The following FHIP1A variants were observed in gnomAD, a reference collection of about 807,000 sequenced individuals.
The protein encoded by FHIP1A is FHF complex subunit HOOK-interacting protein 1A.
Under a neutral mutation model 88.6 loss-of-function variants are expected in FHIP1A, and 61 were observed. That is an observed-to-expected ratio of 0.69 (90% CI 0.56 to 0.85). FHIP1A has a LOEUF of 0.85. FHIP1A is among the 40% of genes least tolerant of loss of function. FHIP1A has a pLI of 0.00. For missense variants in FHIP1A, 1,154 were observed against 1,273.5 expected (o/e 0.91, Z 1.43); for synonymous variants, 478 against 496.0 (o/e 0.96, Z 0.48).
At position 151,415,886 on chromosome 4, in the gene FHIP1A, T is replaced by C. The variant is rs76686610; in HGVS notation, c.-356+6421T>C. Among the ~76,000 whole-genome samples, 1,471 of 152,222 alleles carry C rather than the reference T, an allele frequency of 9.7e-3. 19 individuals are homozygous for C. Among genetic ancestry groups the C allele is most frequent in the African/African-American group, 0.034 (1,405 of 41,556 alleles). ...AGAGAAGATAGTAATTGGTAACAGC[T>C]ATAAAAATACTCTGCAGCTGTTGGT... On this transcript the variant is annotated intron_variant, in intron 1 of 13. Transcript: ENST00000435205.
chr4:151,454,195 T>C (rs900111294), intron 1 of FHIP1A, among the ~76,000 whole-genome samples: 10 of 152,140 alleles, frequency 6.6e-5, no homozygotes, highest in African/African-American at 2.4e-4. Context: ...TAATTATCAC[T>C]GGATTAAGAC....
At chr4:151,446,974 T>G (rs1728633060) in intron 1 of FHIP1A, among the ~76,000 whole-genome samples, 1 of 152,204 alleles carries the variant, frequency 6.6e-6, no homozygotes, top group Non-Finnish European at 1.5e-5. Context: ...TGAAATTTAA[T>G]GGAAAAGTAA....
At chr4:151,460,812 T>C (rs185705048) in intron 2 of FHIP1A, among the ~76,000 whole-genome samples, 12 of 152,314 alleles carry the variant, frequency 7.9e-5, no homozygotes, top group Non-Finnish European at 1.3e-4. Flanking sequence ...AGGAATTCAC[T>C]GAAGGAAGGA....
intron 3 of FHIP1A, among the ~76,000 whole-genome samples, chr4:151,512,694 G>T (rs926121830): frequency 4.6e-5 from 7 of 152,186 alleles, no homozygotes; most frequent in African/African-American, 1.7e-4. Context: ...CTGGAAGAAA[G>T]GGTATCAGTG....
chr4:151,574,339 G>A (rs1334774244), intron 4 of FHIP1A, among the ~76,000 whole-genome samples: 2 of 152,180 alleles, frequency 1.3e-5, no homozygotes, highest in African/African-American at 2.4e-5. Flanking sequence ...TAAACAGTTT[G>A]CATTCTGTAT....
chr4:151,623,558 T>C (rs1359202528), intron 7 of FHIP1A, among the ~76,000 whole-genome samples: 2 of 149,224 alleles, frequency 1.3e-5, no homozygotes, highest in Non-Finnish European at 3.0e-5. Context: ...CAATTTGGCT[T>C]ATTTTAAACT....
At chr4:151,506,004 C>G (rs139932317) in intron 3 of FHIP1A, among the ~76,000 whole-genome samples, 1 of 152,296 alleles carries the variant, frequency 6.6e-6, no homozygotes, top group East Asian at 1.9e-4. Flanking sequence ...CTCACTGGAA[C>G]TTCGAACTCC....
In FHIP1A at chr4:151,656,657, C is replaced by A; in HGVS notation, c.2731-103C>A. 7.8e-7 allele frequency: 1 copy of A among 1,286,366 alleles called. No homozygotes were observed. Among genetic ancestry groups the A allele is most frequent in the Non-Finnish European group, 1.1e-6 (1 of 933,922 alleles). The allele number at this position is 1,286,366 out of a possible 1,614,324, so 79.7% of individuals were successfully genotyped here. A position where few individuals can be genotyped will look rare whatever the true frequency, so the allele number is the denominator to read the frequency against. On this transcript the variant is annotated intron_variant, in intron 12 of 13. Transcript: ENST00000435205. The surrounding 1 kb of genome is among the most constrained non-coding windows in gnomAD (Gnocchi z 4.2). ...TTAAAAATGAACAAATGTCTAACAT[C>A]ATAATAGTTCCCATAATGAGGGTGC...
intron 3 of FHIP1A, among the ~76,000 whole-genome samples, chr4:151,519,491 G>C (rs1731378157): frequency 6.6e-6 from 1 of 151,654 alleles, no homozygotes. Context: ...GACATCTGGG[G>C]GTATTTTCAT....
intron 2 of FHIP1A, among the ~76,000 whole-genome samples, chr4:151,475,564 G>C (rs932607568): frequency 6.6e-6 from 1 of 152,104 alleles, no homozygotes; most frequent in Non-Finnish European, 1.5e-5. Context: ...ACATTCCTGA[G>C]GTGAGAACAA....
rs1736989966 is a variant in FHIP1A at position 151,650,497 on chromosome 4, C to T, written c.2456C>T (p.Pro819Leu). The change falls in exon 11 of 14, where the codon CCT (proline) becomes CTT (leucine). Residue 819 changes from proline (P) to leucine (L), a missense_variant. Pro to Leu is a moderately conservative substitution (Grantham distance 98). Coordinates refer to ENST00000435205, the MANE Select transcript of FHIP1A (RefSeq NM_001109977.3). Reference sequence around the variant, plus strand: ...TTTGACTCTTTTATAGCGGAGATGCCTGCTGTAGAGACTGTGCCTTCCCCA... The same window carrying T: ...TTTGACTCTTTTATAGCGGAGATGCTTGCTGTAGAGACTGTGCCTTCCCCA... ...DDFDSFIAEM[P>L]AVETVPSPFV... The T allele has an allele frequency of 3.2e-6, 5 of 1,551,420 alleles. No homozygotes were observed. The highest frequency in any genetic ancestry group is 3.5e-6 in the Non-Finnish European group (4 of 1,147,046).
chr4:151,622,868 TTCAATA>T (rs1401229362), intron 7 of FHIP1A, among the ~76,000 whole-genome samples: 2 of 152,186 alleles, frequency 1.3e-5, no homozygotes, highest in African/African-American at 2.4e-5. Context: ...TATTTGGGTA[TTCAATA>T]GTTAAACTTT....
At chr4:151,616,480 A>C (rs1578822086) in intron 7 of FHIP1A, among the ~76,000 whole-genome samples, 1 of 117,908 alleles carries the variant, frequency 8.5e-6, no homozygotes, top group African/African-American at 3.4e-5. Context: ...ACGGAGTCTC[A>C]CTCTGTCACC....
At chr4:151,434,062 A>G (rs1052435278) in intron 1 of FHIP1A, among the ~76,000 whole-genome samples, 1 of 152,182 alleles carries the variant, frequency 6.6e-6, no homozygotes, top group African/African-American at 2.4e-5. Context: ...AAATTATATA[A>G]CTAATCATGT....
At chr4:151,465,601 C>G (rs1166665726) in intron 2 of FHIP1A, among the ~76,000 whole-genome samples, 4 of 152,166 alleles carry the variant, frequency 2.6e-5, no homozygotes, top group African/African-American at 9.7e-5. Flanking sequence ...TATCACTGAT[C>G]AATATCCATG....
intron 4 of FHIP1A, among the ~76,000 whole-genome samples, chr4:151,575,802 A>G (rs1484666701): frequency 6.6e-6 from 1 of 152,284 alleles, no homozygotes; most frequent in African/African-American, 2.4e-5. Context: ...TTCCCTGAGA[A>G]ACAAATTTCC....
chr4:151,660,033 G>T (rs1337105479), intron 13 of FHIP1A, among the ~76,000 whole-genome samples: 1 of 152,220 alleles, frequency 6.6e-6, no homozygotes, highest in Non-Finnish European at 1.5e-5. Flanking sequence ...CTAGAAGGGA[G>T]ATCAGGTAGG....
rs1429958875 is a variant in FHIP1A at position 151,577,994 on chromosome 4, A to T, written c.650A>T (p.Asp217Val). The change falls in exon 5 of 14, where the codon GAT becomes GTT. Residue 217 changes from aspartate to valine, a missense_variant. Asp to Val is a radical substitution (Grantham distance 152). Coordinates refer to ENST00000435205, the MANE Select transcript of FHIP1A (RefSeq NM_001109977.3). ...GGGTCAGTAGGCCAGCAAGCTCGGGATGCATTGCTCTTCATCATGTCTCTT... is the reference window on the plus strand; with the variant it reads ...GGGTCAGTAGGCCAGCAAGCTCGGGTTGCATTGCTCTTCATCATGTCTCTT... ...REGSVGQQARDALLFIMSLSA... is the reference protein window; with the variant it reads ...REGSVGQQARVALLFIMSLSA... 5 of 1,550,060 alleles carry T rather than the reference A, an allele frequency of 3.2e-6. No homozygotes were observed. The Admixed American group carries it at 7.9e-5, about 24-fold the overall frequency.
Position 151,665,972 on chromosome 4 carries a change from G to A in FHIP1A, c.*3218G>A, listed in dbSNP as rs115377907. 5.6e-3 allele frequency among the ~76,000 whole-genome samples: 849 copies of A among 152,340 alleles called. 7 individuals carry two copies. Among genetic ancestry groups the A allele is most frequent in the African/African-American group, 0.019 (808 of 41,568 alleles). The stretch of plus-strand genomic sequence containing the variant: ...GCAGCCCCTGAGCTGGCGTCACTGC[G>A]TCTGGCCTGGGCAGGAAAGGTGAGG... On this transcript the variant is annotated 3_prime_UTR_variant, in exon 14 of 14. Coordinates refer to ENST00000435205, the MANE Select transcript of FHIP1A (RefSeq NM_001109977.3).
Sources: gnomAD v4.1 joint callset for allele counts (sites outside exome capture counted in the v4.1 genomes callset) on GRCh38, gnomAD v4.1.1 for gene constraint, Gnocchi (gnomAD v3.1) non-coding constraint, MANE v1.5 for transcripts, NCBI Gene and HGNC (gene_info 2026-07-23, HGNC 2026-07-21) for gene names.